Variants in ZNF782 observed in about 807,000 individuals in gnomAD.
ZNF782 encodes zinc finger protein 782.
In ZNF782, 12 loss-of-function variants were observed where a neutral mutation model predicts 13.0. The ratio of observed to expected loss-of-function variants is 0.92; its 90% CI spans 0.59 to 1.50. The LOEUF (loss-of-function observed/expected upper bound fraction) is 1.50, where lower values mean the gene tolerates loss of function less well. Ranked by LOEUF, ZNF782 falls within the 40% of genes most tolerant of loss-of-function variation. The pLI is 0.00. For synonymous variants in ZNF782, 284 were observed against 283.0 expected, an observed-to-expected ratio of 1.00 and a Z score of -0.04; for missense variants, 770 against 822.9, an observed-to-expected ratio of 0.94 and a Z score of 0.79.
chr9:96,845,182 C>T (rs530490263), intron 3 of ZNF782, among the ~76,000 whole-genome samples, 166 bp from the exon 4 acceptor site: 37 of 152,304 alleles, frequency 2.4e-4, no homozygotes, highest in African/African-American at 8.7e-4. Flanking sequence ...GCATAATTAG[C>T]ACACATATTT....
At chr9:96,876,943 C>CAAA (rs398011569), upstream of ZNF782, among the ~76,000 whole-genome samples, 705 of 42,824 alleles carry the variant, frequency 0.016, no homozygotes, top group East Asian at 0.036. Context: ...AACTCCGACT[C>CAAA]AAAAAAAAAA....
Position 96,850,209 on chromosome 9 carries a change from C to T in ZNF782, c.15+1738G>A, listed in dbSNP as rs1453499160. 1.1e-4 allele frequency among the ~76,000 whole-genome samples: 17 copies of T among 152,048 alleles called. No homozygotes were observed. The highest frequency in any genetic ancestry group is 1.5e-5 in the Non-Finnish European group (1 of 67,956). ...CATAAATGAAAAAGAAACCAGCACA[C>T]GTTTGTAGCAGCACGATTCACAATT... On this transcript the variant is annotated intron_variant, in intron 3 of 5. Transcript: ENST00000481138. This position sits in a 1 kb window ranked among gnomAD's most constrained non-coding sequence, Gnocchi z 4.3.
upstream of ZNF782, among the ~76,000 whole-genome samples, chr9:96,877,901 TAC>T (rs1273800054): frequency 6.6e-6 from 1 of 152,208 alleles, no homozygotes; most frequent in African/African-American, 2.4e-5. Context: ...TTTTATTAAA[TAC>T]AGTCTTCCAT....
chr9:96,876,430 G>T (rs563615976), upstream of ZNF782, among the ~76,000 whole-genome samples: 3 of 152,184 alleles, frequency 2.0e-5, no homozygotes, highest in African/African-American at 7.2e-5. Flanking sequence ...CGTTTCCTAC[G>T]TTTCTGTGTG....
chr9:96,920,579 A>T, the ZNF782 span, among the ~76,000 whole-genome samples: 68 of 149,326 alleles, frequency 4.6e-4, no homozygotes, highest in Middle Eastern at 3.5e-3. Context: ...AACCATTTTT[A>T]AAAAAATAAA....
the ZNF782 span, among the ~76,000 whole-genome samples, chr9:96,929,219 G>A: frequency 6.6e-6 from 1 of 152,156 alleles, no homozygotes; most frequent in Non-Finnish European, 1.5e-5. Flanking sequence ...TTAGGGAGGA[G>A]GGCTCCTTAG....
intron 1 of ZNF782, chr9:96,875,374 T>A (rs1851880495): frequency 2.1e-5 from 9 of 427,302 alleles, no homozygotes; most frequent in Non-Finnish European, 3.8e-5. Flanking sequence ...ATGATTTACC[T>A]AAGTTTCAAA....
chr9:96,873,517 T>C (rs1448880611), intron 1 of ZNF782, among the ~76,000 whole-genome samples: 2 of 152,172 alleles, frequency 1.3e-5, no homozygotes, highest in Non-Finnish European at 2.9e-5. Context: ...CTGGCCAAGG[T>C]AGCAAAACCC....
At chr9:96,897,290 C>T in the ZNF782 span, among the ~76,000 whole-genome samples, 1 of 152,184 alleles carries the variant, frequency 6.6e-6, no homozygotes, top group Non-Finnish European at 1.5e-5. Context: ...CAGGTGACTC[C>T]TGTTGTGGCT....
chr9:96,851,586 A>C (rs1851488730), intron 3 of ZNF782, among the ~76,000 whole-genome samples: 1 of 152,256 alleles, frequency 6.6e-6, no homozygotes, highest in Non-Finnish European at 1.5e-5. Context: ...TGTAAGAAGC[A>C]ACTTACTACA....
chr9:96,826,000 A>G (rs1431953653), intron 5 of ZNF782, among the ~76,000 whole-genome samples: 1 of 152,216 alleles, frequency 6.6e-6, no homozygotes, highest in Non-Finnish European at 1.5e-5. Flanking sequence ...GCAATTCCTC[A>G]GGGATCTAGA....
At chr9:96,911,875 C>T in the ZNF782 span, among the ~76,000 whole-genome samples, 1 of 152,062 alleles carries the variant, frequency 6.6e-6, no homozygotes, top group Non-Finnish European at 1.5e-5. Context: ...ATGTACTTAG[C>T]TGTACTATAA....
the ZNF782 span, among the ~76,000 whole-genome samples, chr9:96,911,408 C>T: frequency 1.7e-5 from 2 of 115,240 alleles, no homozygotes; most frequent in Admixed American, 9.8e-5. Context: ...CACTGCACTC[C>T]GGCCTGGGCA....
chr9:96,881,228 G>A, the ZNF782 span, among the ~76,000 whole-genome samples: 4 of 151,952 alleles, frequency 2.6e-5, no homozygotes. Flanking sequence ...CTTTTGGGTT[G>A]ATTTCCTCTT....
the ZNF782 span, among the ~76,000 whole-genome samples, chr9:96,902,156 G>A: frequency 7.9e-5 from 12 of 151,962 alleles, no homozygotes; most frequent in Non-Finnish European, 1.6e-4. Flanking sequence ...TACTGGGGCC[G>A]AGCGCAGTGG....
intron 5 of ZNF782, among the ~76,000 whole-genome samples, chr9:96,821,886 G>A (rs1428380846): frequency 4.6e-5 from 7 of 152,032 alleles, no homozygotes; most frequent in South Asian, 2.1e-4. Context: ...GGATGGTCTC[G>A]ATCTTCTGAC....
intron 3 of ZNF782, among the ~76,000 whole-genome samples, chr9:96,847,738 G>C (rs1851380686): frequency 6.6e-6 from 1 of 152,158 alleles, no homozygotes; most frequent in East Asian, 1.9e-4. Context: ...AATTCTACCA[G>C]ATATTTAAAG....
chr9:96,819,502 C>A lies in ZNF782; in HGVS notation c.521G>T (p.Ser174Ile), dbSNP rs767066493. ...AGTGTTAGTTCTGCCATCCTTAATA[C>A]TGATGAGCCATTTGTCACAAACATT... is the stretch of plus-strand genomic sequence containing the variant. ...ERNVCDKWLISIKDGRTNTQE... is the reference protein window; with the variant it reads ...ERNVCDKWLIIIKDGRTNTQE... Residue 174 changes from serine to isoleucine, a missense_variant, in exon 6 of 6, where the codon AGT becomes ATT. Transcript: ENST00000481138. The A allele has an allele frequency of 6.2e-7, 1 of 1,613,344 alleles. No individual in the cohort carries two copies. The highest frequency in any genetic ancestry group is 1.1e-5 in the South Asian group (1 of 90,834).
the ZNF782 span, among the ~76,000 whole-genome samples, chr9:96,930,958 G>A: frequency 5.5e-5 from 7 of 126,336 alleles, no homozygotes; most frequent in South Asian, 2.7e-4. Context: ...GAAGTGGCAC[G>A]ATCTCGGCTC....
Sources: allele counts gnomAD v4.1 joint callset (sites outside exome capture counted in the v4.1 genomes callset), GRCh38; gene constraint gnomAD v4.1.1; non-coding constraint Gnocchi (gnomAD v3.1); transcripts MANE v1.5; gene names NCBI Gene and HGNC (gene_info 2026-07-23, HGNC 2026-07-21).